Variants in PPP2R5E observed in about 807,000 individuals in gnomAD.
PPP2R5E encodes serine/threonine-protein phosphatase 2A 56 kDa regulatory subunit epsilon isoform.
Under a neutral mutation model 65.3 loss-of-function variants are expected in PPP2R5E, and 4 were observed. The observed-to-expected ratio is 0.06, with a 90% CI of 0.03 to 0.14. The LOEUF is 0.14. Ranked by LOEUF, PPP2R5E falls within the 10% of genes least tolerant of loss-of-function variation. PPP2R5E has a pLI of 1.00. For synonymous variants in PPP2R5E, 183 were observed against 187.4 expected (o/e 0.98, Z 0.19); for missense variants, 274 against 556.1 (o/e 0.49, Z 5.10).
chr14:63,406,378 T>A (rs1388087547), intron 5 of PPP2R5E, among the ~76,000 whole-genome samples: 8 of 144,078 alleles, frequency 5.6e-5, no homozygotes, highest in African/African-American at 2.1e-4. Flanking sequence ...GCCACTGCAA[T>A]CCAGCCTGGG....
At chr14:63,528,365 A>G (rs1893266507) in intron 2 of PPP2R5E, among the ~76,000 whole-genome samples, 1 of 152,346 alleles carries the variant, frequency 6.6e-6, no homozygotes, top group Middle Eastern at 3.4e-3. Flanking sequence ...ATTAGGCTAT[A>G]ATCAGTCCTC....
At chr14:63,460,703 C>T (rs1444850229) in intron 2 of PPP2R5E, among the ~76,000 whole-genome samples, 2 of 152,086 alleles carry the variant, frequency 1.3e-5, no homozygotes, top group Non-Finnish European at 2.9e-5. Flanking sequence ...TGTCATGAAG[C>T]TCTCCAGTTT....
At position 63,503,152 on chromosome 14, in the gene PPP2R5E, A is replaced by AT. The variant is rs35863054; in HGVS notation, c.157+36376dup. On this transcript the variant is annotated intron_variant, in intron 2 of 13. Coordinates refer to ENST00000337537, the MANE Select transcript of PPP2R5E (RefSeq NM_006246.5). ...AAGAGCCAAACAGGGAAAGTTAGCC[A>AT]TTTTTTTTTTAACTACTGTATGTAC... Among the ~76,000 whole-genome samples, 1,020 of 150,136 alleles carry AT rather than the reference A, an allele frequency of 6.8e-3. 7 individuals carry two copies. The highest frequency in any genetic ancestry group is 0.022 in the African/African-American group (917 of 41,078).
At chr14:63,387,150 T>C (rs1884722962) in intron 11 of PPP2R5E, among the ~76,000 whole-genome samples, 1 of 152,108 alleles carries the variant, frequency 6.6e-6, no homozygotes, top group Non-Finnish European at 1.5e-5. Context: ...ATGAGGCTGT[T>C]CTGAACATTC....
chr14:63,381,441 T>G (rs1053370057), intron 13 of PPP2R5E, among the ~76,000 whole-genome samples: 1 of 152,334 alleles, frequency 6.6e-6, no homozygotes, highest in East Asian at 1.9e-4. Flanking sequence ...AACTACCTGA[T>G]GGTCCCTTTA....
intron 2 of PPP2R5E, among the ~76,000 whole-genome samples, chr14:63,502,988 G>T (rs1566748146): frequency 6.6e-6 from 1 of 152,068 alleles, no homozygotes; most frequent in African/African-American, 2.4e-5. Flanking sequence ...AAAGACAGAG[G>T]ACTAGCACAT....
At chr14:63,531,581 C>T (rs1283240331) in intron 2 of PPP2R5E, among the ~76,000 whole-genome samples, 1 of 152,020 alleles carries the variant, frequency 6.6e-6, no homozygotes, top group African/African-American at 2.4e-5. Context: ...TTCAAAGGTT[C>T]TAAAACTGAA....
intron 5 of PPP2R5E, among the ~76,000 whole-genome samples, chr14:63,406,817 A>C (rs1387993187): frequency 6.6e-6 from 1 of 152,242 alleles, no homozygotes; most frequent in Non-Finnish European, 1.5e-5. Context: ...TCTTAAGAGA[A>C]CCCAACAGCC....
chr14:63,538,277 C>T (rs1421032362), intron 2 of PPP2R5E, among the ~76,000 whole-genome samples: 1 of 151,130 alleles, frequency 6.6e-6, no homozygotes, highest in Non-Finnish European at 1.5e-5. Context: ...TTTTTTTCCC[C>T]CGAGACAGAG....
chr14:63,495,534 T>C (rs1424007446), intron 2 of PPP2R5E, among the ~76,000 whole-genome samples: 1 of 149,838 alleles, frequency 6.7e-6, no homozygotes, highest in Non-Finnish European at 1.5e-5. Flanking sequence ...TGAGCTGAAA[T>C]TGTGCCACTG....
rs578134928 is a variant in PPP2R5E at position 63,418,497 on chromosome 14, A to C, written c.457-3265T>G. 7.9e-5 allele frequency among the ~76,000 whole-genome samples: 12 copies of C among 152,356 alleles called. No individual in the cohort carries two copies. In the East Asian group the frequency reaches 2.3e-3, roughly 29 times the overall value. On this transcript the variant is annotated intron_variant, in intron 4 of 13. Transcript: ENST00000337537. The stretch of plus-strand genomic sequence containing the variant: ...AAAAATCTCCCTTAAGTTTCTAAAG[A>C]GAAAGACTGGGGGCTGGGGAGGACA...
intron 5 of PPP2R5E, among the ~76,000 whole-genome samples, chr14:63,403,387 C>CAAAAAAAAAAAAAAAAAA (rs35226807): frequency 1.3e-5 from 1 of 79,278 alleles, no homozygotes; most frequent in Non-Finnish European, 2.9e-5. Context: ...GAGTCTGTCT[C>CAAAAAAAAAAAAAAAAAA]AAAAAAAAAA....
At chr14:63,393,340 T>C (rs980846710) in intron 8 of PPP2R5E, among the ~76,000 whole-genome samples, 2 of 152,142 alleles carry the variant, frequency 1.3e-5, no homozygotes, top group Non-Finnish European at 2.9e-5. Context: ...GATTCTACTG[T>C]GCATAGAAAA....
intron 2 of PPP2R5E, among the ~76,000 whole-genome samples, chr14:63,457,168 C>T (rs1889166628): frequency 6.6e-6 from 1 of 152,086 alleles, no homozygotes; most frequent in South Asian, 2.1e-4. Flanking sequence ...TCTACCTAGT[C>T]CCAGGTGGAT....
At chr14:63,494,543 A>G (rs146437267) in intron 2 of PPP2R5E, among the ~76,000 whole-genome samples, 3,798 of 140,746 alleles carry the variant, frequency 0.027, 102 homozygotes, top group Non-Finnish European at 0.03. Context: ...CTGTACAGCC[A>G]TTTAAAAAAA....
chr14:63,475,166 T>G (rs1454378672), intron 2 of PPP2R5E, among the ~76,000 whole-genome samples: 1 of 152,250 alleles, frequency 6.6e-6, no homozygotes, highest in East Asian at 1.9e-4. Context: ...CTTGGGTCTT[T>G]CAGCATCTAT....
chr14:63,456,393 T>G (rs1212318276), intron 2 of PPP2R5E, among the ~76,000 whole-genome samples: 1 of 152,226 alleles, frequency 6.6e-6, no homozygotes, highest in Non-Finnish European at 1.5e-5. Context: ...GCAGTTGAAA[T>G]TTATCCTTTA....
intron 2 of PPP2R5E, among the ~76,000 whole-genome samples, chr14:63,477,704 G>A (rs936227096): frequency 6.6e-6 from 1 of 151,998 alleles, no homozygotes; most frequent in Non-Finnish European, 1.5e-5. Flanking sequence ...GCAGCCATAA[G>A]GTTAAGGTTC....
intron 2 of PPP2R5E, among the ~76,000 whole-genome samples, chr14:63,489,563 C>T (rs1891186370): frequency 6.6e-6 from 1 of 151,962 alleles, no homozygotes; most frequent in Non-Finnish European, 1.5e-5. Context: ...GTGCAGACCA[C>T]CATGTCCAGC....
Sources: allele counts gnomAD v4.1 joint callset (sites outside exome capture counted in the v4.1 genomes callset), GRCh38; gene constraint gnomAD v4.1.1; transcripts MANE v1.5; gene names NCBI Gene and HGNC (gene_info 2026-07-23, HGNC 2026-07-21).